The following HCRTR2 variants were observed in gnomAD, a reference collection of about 807,000 sequenced individuals.
The protein encoded by HCRTR2 is hypocretin receptor 2, also known as orexin receptor type 2.
In HCRTR2, 22 loss-of-function variants were observed where a neutral mutation model predicts 49.0. The ratio of observed to expected loss-of-function variants is 0.45; its 90% CI spans 0.32 to 0.64. The LOEUF is 0.64. Ranked by LOEUF, HCRTR2 falls within the 30% of genes least tolerant of loss-of-function variation. HCRTR2 has a pLI of 0.04. For missense variants in HCRTR2, 491 were observed against 559.4 expected, an observed-to-expected ratio of 0.88 and a Z score of 1.23; for synonymous variants, 236 against 205.3, an observed-to-expected ratio of 1.15 and a Z score of -1.28.
chr6:55,208,488 C>T (rs1439874484), intron 1 of HCRTR2, among the ~76,000 whole-genome samples: 2 of 149,514 alleles, frequency 1.3e-5, no homozygotes, highest in Non-Finnish European at 3.0e-5. Context: ...CGAGACTCCA[C>T]CTCAAAAAAT....
intron 1 of HCRTR2, among the ~76,000 whole-genome samples, chr6:55,246,076 C>T (rs2127309976): frequency 6.6e-6 from 1 of 152,058 alleles, no homozygotes; most frequent in South Asian, 2.1e-4. Flanking sequence ...ACTGCACAAG[C>T]TAAAGAGCAC....
In HCRTR2 at chr6:55,174,611, C is replaced by T. The variant is rs772218862; in HGVS notation, c.24C>T (p.Asp8=). The T allele has an allele frequency of 3.1e-6, 5 of 1,613,894 alleles. No individual in the cohort carries two copies. The highest frequency in any genetic ancestry group is 1.3e-5 in the African/African-American group (1 of 74,874). Residue 8 remains aspartate, a synonymous_variant, in exon 1 of 7, where the codon GAC becomes GAT. Transcript: ENST00000370862. MSGTKLE[D]SPPCRNWSSA... ...TGATGTCCGGCACCAAATTGGAGGA[C>T]TCCCCCCCTTGTCGCAACTGGTCAT...
intron 1 of HCRTR2, among the ~76,000 whole-genome samples, chr6:55,179,835 T>C (rs1318712772): frequency 6.6e-6 from 1 of 152,200 alleles, no homozygotes; most frequent in African/African-American, 2.4e-5. Flanking sequence ...TTTCATGTAC[T>C]GCAGCTATGT....
At chr6:55,184,519 AT>A (rs1439819861) in intron 1 of HCRTR2, among the ~76,000 whole-genome samples, 6 of 152,098 alleles carry the variant, frequency 3.9e-5, no homozygotes, top group African/African-American at 7.2e-5. Context: ...TTCTTTCTAA[AT>A]TTTCTACAAC....
Position 55,243,462 on chromosome 6 carries a change from T to A in HCRTR2, c.224-5177T>A, listed in dbSNP as rs1485935624. Among the ~76,000 whole-genome samples, 4 of 152,178 alleles carry A rather than the reference T, an allele frequency of 2.6e-5. 2 individuals are homozygous for A. The highest frequency in any genetic ancestry group is 4.8e-5 in the African/African-American group (2 of 41,452). On this transcript the variant is annotated intron_variant, in intron 1 of 6. Coordinates refer to ENST00000370862, the MANE Select transcript of HCRTR2 (RefSeq NM_001384272.1). ...TGAGAACCATAGCCTACTTTATGTC[T>A]AAGAGAATATTGACAAACAGCTAAG...
chr6:55,183,740 CA>C (rs1765170753), intron 1 of HCRTR2, among the ~76,000 whole-genome samples: 1 of 152,014 alleles, frequency 6.6e-6, no homozygotes, highest in Non-Finnish European at 1.5e-5. Flanking sequence ...GAACATAATC[CA>C]AATTCTCCAG....
At chr6:55,201,308 T>A (rs970382874) in intron 1 of HCRTR2, among the ~76,000 whole-genome samples, 6 of 152,114 alleles carry the variant, frequency 3.9e-5, no homozygotes, top group African/African-American at 1.4e-4. Context: ...TAACAATTAG[T>A]AAAATTCTAC....
chr6:55,243,913 T>G (rs1263481669), intron 1 of HCRTR2, among the ~76,000 whole-genome samples: 1 of 152,072 alleles, frequency 6.6e-6, no homozygotes, highest in Non-Finnish European at 1.5e-5. Context: ...TAAAAGATAT[T>G]TTGTGAAGCA....
chr6:55,213,984 A>C (rs1765741636), intron 1 of HCRTR2, among the ~76,000 whole-genome samples: 1 of 152,106 alleles, frequency 6.6e-6, no homozygotes, highest in South Asian at 2.1e-4. Context: ...GTATCCAAAA[A>C]AAAAAAAAAT....
chr6:55,154,607 C>T (rs931615901), intron 1 of HCRTR2, among the ~76,000 whole-genome samples: 2 of 151,592 alleles, frequency 1.3e-5, no homozygotes, highest in South Asian at 4.1e-4. Context: ...AGATCAAGAA[C>T]AAAGCAAGGA....
intron 1 of HCRTR2, among the ~76,000 whole-genome samples, chr6:55,184,854 G>T (rs1029864544): frequency 4.6e-5 from 7 of 152,162 alleles, no homozygotes; most frequent in Non-Finnish European, 1.0e-4. Context: ...GTGAGGCCTT[G>T]ATTTTGTCAC....
chr6:55,255,193 T>A lies in HCRTR2; in HGVS notation c.460T>A (p.Tyr154Asn). The A allele has an allele frequency of 6.2e-7, 1 of 1,614,038 alleles. No individual in the cohort carries two copies. The highest frequency in any genetic ancestry group is 8.5e-7 in the Non-Finnish European group (1 of 1,179,940). Residue 154 changes from tyrosine to asparagine, a missense_variant, in exon 3 of 7, where the codon TAT becomes AAT. Coordinates refer to ENST00000370862, the MANE Select transcript of HCRTR2 (RefSeq NM_001384272.1). ...GAGCTGTATCGCCTTGGATCGGTGGTATGCAATCTGTCACCCTTTGATGTT... is the reference window on the plus strand; with the variant it reads ...GAGCTGTATCGCCTTGGATCGGTGGAATGCAATCTGTCACCCTTTGATGTT... ...TLSCIALDRW[Y>N]AICHPLMFKS...
intron 1 of HCRTR2, among the ~76,000 whole-genome samples, chr6:55,241,123 T>TC (rs988516708): frequency 1.2e-5 from 1 of 81,140 alleles, no homozygotes; most frequent in Non-Finnish European, 2.3e-5. Flanking sequence ...TCCCTCCCCC[T>TC]CCCCCCACCC....
At chr6:55,205,559 A>T (rs1414044313) in intron 1 of HCRTR2, among the ~76,000 whole-genome samples, 1 of 152,182 alleles carries the variant, frequency 6.6e-6, no homozygotes, top group Non-Finnish European at 1.5e-5. Context: ...AAGTAAGTAG[A>T]GTGAATTCAA....
intron 1 of HCRTR2, among the ~76,000 whole-genome samples, chr6:55,164,259 C>T (rs1205580894): frequency 1.3e-5 from 2 of 152,172 alleles, no homozygotes; most frequent in Non-Finnish European, 2.9e-5. Context: ...TTTGACCTAG[C>T]AATCCCATTA....
intron 4 of HCRTR2, among the ~76,000 whole-genome samples, chr6:55,266,496 G>A (rs1171894625): frequency 6.6e-6 from 1 of 152,054 alleles, no homozygotes; most frequent in African/African-American, 2.4e-5. Context: ...TTTCTTGAAG[G>A]GGAAAAAGCA....
intron 1 of HCRTR2, among the ~76,000 whole-genome samples, chr6:55,187,449 A>G (rs1182856382): frequency 7.3e-6 from 1 of 137,670 alleles, no homozygotes; most frequent in Non-Finnish European, 1.6e-5. Context: ...AAAAAAAAAA[A>G]GAAAACGAAA....
At chr6:55,161,427 G>A (rs914562284) in intron 1 of HCRTR2, among the ~76,000 whole-genome samples, 1 of 152,024 alleles carries the variant, frequency 6.6e-6, no homozygotes, top group South Asian at 2.1e-4. Context: ...AAAAGAACTA[G>A]AGAAGCAAAG....
chr6:55,146,591 A>C (rs1247548842), intron 1 of HCRTR2, among the ~76,000 whole-genome samples: 1 of 148,938 alleles, frequency 6.7e-6, no homozygotes, highest in Non-Finnish European at 1.5e-5. Context: ...AAAAAAAAAA[A>C]ACAAGCTTTT....
Sources: gnomAD v4.1 joint callset for allele counts (sites outside exome capture counted in the v4.1 genomes callset) on GRCh38, gnomAD v4.1.1 for gene constraint, MANE v1.5 for transcripts, NCBI Gene and HGNC (gene_info 2026-07-23, HGNC 2026-07-21) for gene names.